Variants in RFX2 observed in about 807,000 individuals in gnomAD.
RFX2 encodes the protein regulatory factor X2, also known as DNA-binding protein RFX2.
A neutral mutation model predicts 87.8 loss-of-function variants in RFX2; 20 were observed. That is an observed-to-expected ratio of 0.23 (90% CI 0.16 to 0.33). The LOEUF (loss-of-function observed/expected upper bound fraction) is 0.33. RFX2 is among the 10% of genes least tolerant of loss of function. RFX2 has a pLI of 1.00. For missense variants in RFX2, 767 were observed against 1,012.3 expected (o/e 0.76, Z 3.29); for synonymous variants, 397 against 431.3 (o/e 0.92, Z 0.98).
chr19:6,096,889 T>C (rs1459182063), intron 1 of RFX2, among the ~76,000 whole-genome samples: 1 of 152,176 alleles, frequency 6.6e-6, no homozygotes, highest in African/African-American at 2.4e-5. Context: ...AAGGCCATTG[T>C]TGAGGGCAGC....
chr19:6,023,616 T>C lies in RFX2; in HGVS notation c.597+2547A>G, dbSNP rs1041655689. 6.6e-6 allele frequency among the ~76,000 whole-genome samples: 1 copy of C among 152,082 alleles called. No individual in the cohort carries two copies. Among genetic ancestry groups the C allele is most frequent in the Non-Finnish European group, 1.5e-5 (1 of 68,034 alleles). On this transcript the variant is annotated intron_variant, in intron 6 of 17. Coordinates refer to ENST00000303657, the MANE Select transcript of RFX2 (RefSeq NM_000635.4). This position sits in a 1 kb window ranked among gnomAD's most constrained non-coding sequence, Gnocchi z 4.9. ...CAGAAGGAAACAACTCAACAGCGAA[T>C]CATCAGTGAGTAAAAGAAACGAGAG...
In RFX2 at chr19:6,085,572, C is replaced by G. The variant is rs145508359; in HGVS notation, c.-9+24821G>C. Among the ~76,000 whole-genome samples the G allele has an allele frequency of 3.9e-5, 6 of 152,304 alleles. No individual in the cohort carries two copies. In the East Asian group the frequency reaches 1.2e-3, roughly 29 times the overall value. ...TTCCATTCCTTGGGTTGTCTTTTTA[C>G]TCTGTTGCTACTGTTCTTTGATGCA... On this transcript the variant is annotated intron_variant, in intron 1 of 17. Transcript: ENST00000303657.
In RFX2 at chr19:6,040,059, G is replaced by A. The variant is rs761969837; in HGVS notation, c.443C>T (p.Ala148Val). 65 of 1,611,822 alleles carry A rather than the reference G, an allele frequency of 4.0e-5. No homozygotes were observed. The highest frequency in any genetic ancestry group is 1.3e-4 in the Admixed American group (8 of 59,846). The change falls in exon 5 of 18, where the codon GCG (alanine) becomes GTG (valine). Residue 148 changes from alanine (A) to valine (V), a missense_variant. Transcript: ENST00000303657. This position sits in a 1 kb window ranked among gnomAD's most constrained non-coding sequence, Gnocchi z 6.1. ...CCCCCCGTGGATGAGATAGGCTCCC[G>A]CGCTGGAGACGATGGGGCTCCCCCC... is the stretch of plus-strand genomic sequence containing the variant. ...DVGGSPIVSS[A>V]GAYLIHGGMD...
At position 6,016,633 on chromosome 19, in the gene RFX2, C is replaced by T. The variant is rs1446213270; in HGVS notation, c.598-362G>A. On this transcript the variant is annotated intron_variant, in intron 6 of 17. Transcript: ENST00000303657. The surrounding 1 kb of genome is among the most constrained non-coding windows in gnomAD (Gnocchi z 5.4). ...CTCAAACTACTGACCTCAGGTGATC[C>T]GCCTGCCTCAGCCTCCCAAAGTGCT... Among the ~76,000 whole-genome samples, 6 of 152,140 alleles carry T rather than the reference C, an allele frequency of 3.9e-5. No individual in the cohort carries two copies. Among genetic ancestry groups the T allele is most frequent in the African/African-American group, 9.7e-5 (4 of 41,432 alleles).
chr19:5,996,100 C>A (rs946016130), intron 16 of RFX2, among the ~76,000 whole-genome samples: 15 of 152,202 alleles, frequency 9.9e-5, no homozygotes, highest in East Asian at 1.9e-4. Context: ...CCCTGGCCAC[C>A]GACTCTTAGA....
chr19:6,031,454 G>C (rs2086952778), intron 5 of RFX2, among the ~76,000 whole-genome samples: 1 of 78,360 alleles, frequency 1.3e-5, no homozygotes, highest in African/African-American at 5.0e-5. Context: ...TTTTGAGATC[G>C]AGTCTCACTC....
Position 6,044,304 on chromosome 19 carries a change from G to A in RFX2, c.91-22C>T. On this transcript the variant is annotated intron_variant, in intron 2 of 17. Coordinates refer to ENST00000303657, the MANE Select transcript of RFX2 (RefSeq NM_000635.4). This position sits in a 1 kb window ranked among gnomAD's most constrained non-coding sequence, Gnocchi z 5.3. ...CCCTCTAAAAGGGAAGGGAGAGAAG[G>A]CCAGTTAGACTTGTCAGAGGTCAGT... is the stretch of plus-strand genomic sequence containing the variant. 1 of 1,472,044 alleles carries A rather than the reference G, an allele frequency of 6.8e-7. No homozygotes were observed. Among genetic ancestry groups the A allele is most frequent in the Non-Finnish European group, 9.1e-7 (1 of 1,096,974 alleles). 91.2% of individuals were successfully genotyped at this position (1,472,044 alleles called of 1,614,324 possible). A position where few individuals can be genotyped will look rare whatever the true frequency, so the allele number is the denominator to read the frequency against.
In RFX2 at chr19:6,061,205, C is replaced by T. The variant is rs976490959; in HGVS notation, c.-8-13701G>A. ...ATCTCCTACCTGGAACCACCACATCCGCCTCCTAATTGGTCTCCCTGCTTC... is the reference window on the plus strand; with the variant it reads ...ATCTCCTACCTGGAACCACCACATCTGCCTCCTAATTGGTCTCCCTGCTTC... On this transcript the variant is annotated intron_variant, in intron 1 of 17. Coordinates refer to ENST00000303657, the MANE Select transcript of RFX2 (RefSeq NM_000635.4). This position sits in a 1 kb window ranked among gnomAD's most constrained non-coding sequence, Gnocchi z 5.2. Among the ~76,000 whole-genome samples the T allele has an allele frequency of 7.9e-5, 12 of 152,168 alleles. No homozygotes were observed. Among genetic ancestry groups the T allele is most frequent in the Non-Finnish European group, 1.5e-4 (10 of 68,042 alleles).
Position 6,064,149 on chromosome 19 carries a change from T to C in RFX2, c.-8-16645A>G, listed in dbSNP as rs1310556991. ...GCCTGCAAAGATGCTCAAGACGTGT[T>C]TTGCAATGAACAAGAGAATGAGCAG... On this transcript the variant is annotated intron_variant, in intron 1 of 17. Coordinates refer to ENST00000303657, the MANE Select transcript of RFX2 (RefSeq NM_000635.4). This position sits in a 1 kb window ranked among gnomAD's most constrained non-coding sequence, Gnocchi z 4.8. Among the ~76,000 whole-genome samples, 1 of 152,160 alleles carries C rather than the reference T, an allele frequency of 6.6e-6. No individual in the cohort carries two copies. The highest frequency in any genetic ancestry group is 1.9e-4 in the East Asian group (1 of 5,188).
At chr19:6,051,616 C>T (rs1437576438) in intron 1 of RFX2, among the ~76,000 whole-genome samples, 5 of 151,692 alleles carry the variant, frequency 3.3e-5, no homozygotes, top group Non-Finnish European at 7.4e-5. Flanking sequence ...AAATAAAGAA[C>T]AGAGAAACAA....
At position 6,007,199 on chromosome 19, in the gene RFX2, C is replaced by G. The variant is rs910883543; in HGVS notation, c.1248-33G>C. 2.5e-6 allele frequency: 4 copies of G among 1,604,454 alleles called. No individual in the cohort carries two copies. Among genetic ancestry groups the G allele is most frequent in the Non-Finnish European group, 3.4e-6 (4 of 1,174,466 alleles). On this transcript the variant is annotated intron_variant, in intron 11 of 17. Coordinates refer to ENST00000303657, the MANE Select transcript of RFX2 (RefSeq NM_000635.4). This position sits in a 1 kb window ranked among gnomAD's most constrained non-coding sequence, Gnocchi z 8.2. ...GGGAGGGGGGACAGGTGAGCTGTGG[C>G]CTGGCCCAGGTGGGCTCACTCAGCC...
Position 5,997,300 on chromosome 19 carries a change from C to A in RFX2, c.1860-87G>T. 1 of 1,384,670 alleles carries A rather than the reference C, an allele frequency of 7.2e-7. No individual in the cohort carries two copies. Among genetic ancestry groups the A allele is most frequent in the South Asian group, 1.4e-5 (1 of 70,534 alleles). 85.8% of individuals were successfully genotyped at this position (1,384,670 alleles called of 1,614,324 possible). On this transcript the variant is annotated intron_variant, in intron 15 of 17. Transcript: ENST00000303657. The surrounding 1 kb of genome is among the most constrained non-coding windows in gnomAD (Gnocchi z 4.2). ...CAGACTTCATGGCAGCAACACACCC[C>A]CTGCTCTACGTTCCCTGGGGAACCC...
Position 6,001,060 on chromosome 19 carries a change from T to G in RFX2, c.1859+755A>C, listed in dbSNP as rs1568497967. Among the ~76,000 whole-genome samples the G allele has an allele frequency of 1.3e-5, 2 of 152,162 alleles. No individual in the cohort carries two copies. The highest frequency in any genetic ancestry group is 6.5e-5 in the Admixed American group (1 of 15,276). On this transcript the variant is annotated intron_variant, in intron 15 of 17. Coordinates refer to ENST00000303657, the MANE Select transcript of RFX2 (RefSeq NM_000635.4). This position sits in a 1 kb window ranked among gnomAD's most constrained non-coding sequence, Gnocchi z 5.6. ...CCTGCCCTGGTCTGCACAGGTTAGG[T>G]CTGTAGCTTGGAAATGATTTCCCTT...
At chr19:6,081,866 T>C (rs2087790047) in intron 1 of RFX2, among the ~76,000 whole-genome samples, 1 of 152,194 alleles carries the variant, frequency 6.6e-6, no homozygotes, top group African/African-American at 2.4e-5. Flanking sequence ...GGCGGGCAGA[T>C]CATGAGGTCA....
chr19:6,058,854 C>A (rs1430372120), intron 1 of RFX2, among the ~76,000 whole-genome samples: 2 of 152,156 alleles, frequency 1.3e-5, no homozygotes, highest in East Asian at 1.9e-4. Flanking sequence ...TGCAGACACC[C>A]AGTAGGCCCT....
chr19:6,049,409 TGA>T (rs985869721), intron 1 of RFX2, among the ~76,000 whole-genome samples: 4 of 152,210 alleles, frequency 2.6e-5, no homozygotes, highest in Non-Finnish European at 4.4e-5. Context: ...GAAGAGGCCA[TGA>T]GAGTGTTGGG....
rs1407618020 is a variant in RFX2, at chr19:6,016,684, C to T, written c.598-413G>A. ...GGGATTACAGGCGTGAGCCACCGTG[C>T]CTGGCCAGAAATCCATCTTTATGGT... On this transcript the variant is annotated intron_variant, in intron 6 of 17. Transcript: ENST00000303657. The surrounding 1 kb of genome is among the most constrained non-coding windows in gnomAD (Gnocchi z 5.4). 6.6e-6 allele frequency among the ~76,000 whole-genome samples: 1 copy of T among 152,200 alleles called. No individual in the cohort carries two copies. Among genetic ancestry groups the T allele is most frequent in the Non-Finnish European group, 1.5e-5 (1 of 68,028 alleles).
chr19:6,093,362 C>T (rs1026572559), intron 1 of RFX2, among the ~76,000 whole-genome samples: 6 of 152,050 alleles, frequency 3.9e-5, no homozygotes, highest in Non-Finnish European at 7.3e-5. Context: ...TGGTGAAACC[C>T]CGTCTCTACT....
At chr19:6,033,212 G>T (rs1009730883) in intron 5 of RFX2, among the ~76,000 whole-genome samples, 4 of 152,196 alleles carry the variant, frequency 2.6e-5, no homozygotes, top group Admixed American at 2.0e-4. Flanking sequence ...GGACGTTATA[G>T]AATATGATCC....
Sources: gnomAD v4.1 joint callset for allele counts (sites outside exome capture counted in the v4.1 genomes callset) on GRCh38, gnomAD v4.1.1 for gene constraint, Gnocchi (gnomAD v3.1) non-coding constraint, MANE v1.5 for transcripts, NCBI Gene and HGNC (gene_info 2026-07-23, HGNC 2026-07-21) for gene names.